CHLSN: variants seen among roughly 807,000 people sequenced by gnomAD.
CHLSN encodes cholesin, also known as protein cholesin.
At chr7:1,049,882 T>C in the CHLSN span, among the ~76,000 whole-genome samples, 2 of 152,174 alleles carry the variant, frequency 1.3e-5, no homozygotes, top group Non-Finnish European at 2.9e-5. Context: ...CAGGGACAGC[T>C]GAAGCTGTGC....
At chr7:1,073,211 G>C in the CHLSN span, among the ~76,000 whole-genome samples, 3 of 151,982 alleles carry the variant, frequency 2.0e-5, no homozygotes, top group Non-Finnish European at 4.4e-5. Context: ...TTCACACACA[G>C]GAACACCTTA....
At chr7:1,066,263 C>A in the CHLSN span, among the ~76,000 whole-genome samples, 1 of 152,032 alleles carries the variant, frequency 6.6e-6, no homozygotes, top group Non-Finnish European at 1.5e-5. Flanking sequence ...TACCGACAAA[C>A]GCAGCAACGG....
At chr7:1,130,222 C>T in the CHLSN span, among the ~76,000 whole-genome samples, 4 of 152,250 alleles carry the variant, frequency 2.6e-5, no homozygotes, top group East Asian at 3.8e-4. Context: ...AGTCCAGGGA[C>T]GGCAGAACCC....
At chr7:1,049,299 T>C in the CHLSN span, among the ~76,000 whole-genome samples, 1 of 152,250 alleles carries the variant, frequency 6.6e-6, no homozygotes, top group Admixed American at 6.5e-5. Context: ...GCCAAAGATC[T>C]GCAGGCGTCA....
chr7:1,044,625 G>C, the CHLSN span: 1 of 151,512 alleles, frequency 6.6e-6, no homozygotes, highest in African/African-American at 2.4e-5. Context: ...TGCCCGCCCG[G>C]CGGCGACTGC....
At chr7:993,721 G>A in the CHLSN span, among the ~76,000 whole-genome samples, 8 of 152,272 alleles carry the variant, frequency 5.3e-5, no homozygotes, top group African/African-American at 1.7e-4. Context: ...AGGTGGCAGC[G>A]AGCAGAGCTC....
the CHLSN span, among the ~76,000 whole-genome samples, chr7:1,108,342 G>C: frequency 2.4e-5 from 2 of 84,392 alleles, no homozygotes; most frequent in African/African-American, 5.3e-5. Flanking sequence ...AGGAAGCAGA[G>C]GGGGGCTGTG....
the CHLSN span, among the ~76,000 whole-genome samples, chr7:1,053,840 C>T: frequency 0.024 from 3,577 of 152,164 alleles, 130 homozygotes; most frequent in African/African-American, 0.079. Flanking sequence ...AAAACAAAAA[C>T]AAAACCAAAA....
the CHLSN span, among the ~76,000 whole-genome samples, chr7:980,593 G>A: frequency 6.6e-6 from 1 of 151,900 alleles, no homozygotes; most frequent in African/African-American, 2.4e-5. Flanking sequence ...ATGTAAATAT[G>A]CAAATATGCA....
chr7:997,797 T>A, the CHLSN span: 2 of 1,603,692 alleles, frequency 1.2e-6, no homozygotes, highest in Non-Finnish European at 8.5e-7. Flanking sequence ...GAAGTGCTCA[T>A]CGGGAACCTG....
the CHLSN span, among the ~76,000 whole-genome samples, chr7:982,814 C>T: frequency 1.3e-5 from 2 of 152,236 alleles, no homozygotes; most frequent in South Asian, 2.1e-4. Context: ...AGGCAGGGGG[C>T]TCCCCTCCAA....
At chr7:984,407 G>C in the CHLSN span, 29 of 1,546,436 alleles carry the variant, frequency 1.9e-5, no homozygotes, top group African/African-American at 3.8e-4. Flanking sequence ...CGCCATCCCT[G>C]CCAGCTCTCA....
the CHLSN span, among the ~76,000 whole-genome samples, chr7:1,120,019 C>G: frequency 6.6e-6 from 1 of 152,046 alleles, no homozygotes; most frequent in East Asian, 1.9e-4. Flanking sequence ...AGAAGCACTT[C>G]TTTCGGAAGA....
chr7:1,113,233 G>T, the CHLSN span, among the ~76,000 whole-genome samples: 7 of 151,500 alleles, frequency 4.6e-5, no homozygotes, highest in African/African-American at 1.7e-4. Context: ...AATTTACTAA[G>T]AATCTACCGT....
chr7:986,352 G>A, the CHLSN span: 10 of 522,320 alleles, frequency 1.9e-5, no homozygotes, highest in African/African-American at 3.9e-5. Flanking sequence ...CTTCCACTGT[G>A]GCAGCTGCCT....
At chr7:1,077,356 C>T in the CHLSN span, among the ~76,000 whole-genome samples, 2,966 of 152,250 alleles carry the variant, frequency 0.019, 104 homozygotes, top group African/African-American at 0.067. Context: ...GGGGTTTCAC[C>T]GTGTTAGCCA....
the CHLSN span, among the ~76,000 whole-genome samples, chr7:996,649 C>T: frequency 2.6e-5 from 4 of 152,252 alleles, no homozygotes; most frequent in East Asian, 1.9e-4. Context: ...CGGCCCTCCC[C>T]GGCAGCTGCC....
chr7:1,002,438 C>T, the CHLSN span, among the ~76,000 whole-genome samples: 1 of 59,144 alleles, frequency 1.7e-5, no homozygotes, highest in East Asian at 5.3e-4. Context: ...GGTGGGGAGT[C>T]CTGTGGGTGA....
At chr7:1,048,603 G>A in the CHLSN span, among the ~76,000 whole-genome samples, 3 of 152,184 alleles carry the variant, frequency 2.0e-5, no homozygotes. Flanking sequence ...TTTCAGCCAA[G>A]TTCACCTCAC....
Sources: allele counts gnomAD v4.1 joint callset (sites outside exome capture counted in the v4.1 genomes callset), GRCh38; gene constraint gnomAD v4.1.1; transcripts MANE v1.5; gene names NCBI Gene and HGNC (gene_info 2026-07-23, HGNC 2026-07-21).